The following RNF122 variants were observed in gnomAD, a reference collection of about 807,000 sequenced individuals.
RNF122 encodes the protein ring finger protein 122.
Under a neutral mutation model 24.2 loss-of-function variants are expected in RNF122, and 17 were observed. That is an observed-to-expected ratio of 0.70 (90% CI 0.48 to 1.06). RNF122 has a LOEUF of 1.06. RNF122 is among the 50% of genes least tolerant of loss of function. The pLI is 0.00. For missense variants in RNF122, 168 were observed against 198.1 expected (o/e 0.85, Z 0.91); for synonymous variants, 65 against 71.8 (o/e 0.91, Z 0.48).
chr8:33,549,381 A>T (rs774953144), intron 5 of RNF122, 29 bp downstream of exon 5: 13 of 1,582,236 alleles, frequency 8.2e-6, no homozygotes, highest in East Asian at 4.5e-5. Context: ...TTCTCCTTCG[A>T]CGGGCACCCT....
intron 1 of RNF122, among the ~76,000 whole-genome samples, chr8:33,559,542 T>G (rs548771077): frequency 6.6e-5 from 10 of 152,288 alleles, no homozygotes; most frequent in African/African-American, 2.2e-4. Context: ...GAAAATATGC[T>G]TTGTAAATTG....
chr8:33,556,179 C>CAAAAA (rs538829399), intron 2 of RNF122, among the ~76,000 whole-genome samples: 540 of 33,968 alleles, frequency 0.016, 45 homozygotes, highest in African/African-American at 0.053. Context: ...GACCCTGTCT[C>CAAAAA]AAAAAAAAAA....
intron 1 of RNF122, among the ~76,000 whole-genome samples, chr8:33,565,334 T>C (rs1351097280): frequency 6.6e-6 from 1 of 152,064 alleles, no homozygotes; most frequent in Non-Finnish European, 1.5e-5. Flanking sequence ...ACAAAGCCTC[T>C]TGACATAATT....
In RNF122 at chr8:33,548,882, G is replaced by A. The variant is rs1408369612; in HGVS notation, c.354-15C>T. On this transcript the variant is annotated splice_polypyrimidine_tract_variant and intron_variant, in intron 5 of 5. Coordinates refer to ENST00000256257, the MANE Select transcript of RNF122 (RefSeq NM_024787.3). The stretch of plus-strand genomic sequence containing the variant: ...TCACCAGACACCTGAGAACAAATGA[G>A]GAATGGTAATCTCTAACCAGACAGA... The A allele has an allele frequency of 2.6e-6, 4 of 1,568,290 alleles. No homozygotes were observed. The highest frequency in any genetic ancestry group is 3.5e-6 in the Non-Finnish European group (4 of 1,138,378).
chr8:33,554,140 C>T (rs985299145), intron 2 of RNF122, among the ~76,000 whole-genome samples: 1 of 152,168 alleles, frequency 6.6e-6, no homozygotes, highest in Non-Finnish European at 1.5e-5. Flanking sequence ...TTGACTGACA[C>T]TGGGTTCAGC....
chr8:33,564,886 A>C (rs901210680), intron 1 of RNF122, among the ~76,000 whole-genome samples: 4 of 152,032 alleles, frequency 2.6e-5, no homozygotes, highest in African/African-American at 9.7e-5. Context: ...AAAATAAAAA[A>C]TAAAAAATAA....
intron 3 of RNF122, 85 bp from the exon 4 acceptor site, chr8:33,551,170 C>G: frequency 6.6e-7 from 1 of 1,513,462 alleles, no homozygotes; most frequent in Non-Finnish European, 9.2e-7. Context: ...AAGGGAGTCC[C>G]CTGGACTGCC....
intron 1 of RNF122, among the ~76,000 whole-genome samples, chr8:33,565,234 C>T (rs993292302): frequency 2.0e-5 from 3 of 152,120 alleles, no homozygotes; most frequent in African/African-American, 7.2e-5. Flanking sequence ...CGGCTTGGTT[C>T]ATTTTCAGGA....
At chr8:33,551,413 G>C (rs746318764) in intron 2 of RNF122, 24 bp from the exon 3 acceptor site, 1 of 1,613,688 alleles carries the variant, frequency 6.2e-7, no homozygotes, top group Non-Finnish European at 8.5e-7. Context: ...AAAAAAATTA[G>C]AGAAAGCAGG....
chr8:33,559,547 A>G (rs1454076031), intron 1 of RNF122, among the ~76,000 whole-genome samples: 1 of 152,200 alleles, frequency 6.6e-6, no homozygotes, highest in Non-Finnish European at 1.5e-5. Context: ...TATGCTTTGT[A>G]AATTGCAAAG....
intron 5 of RNF122, 46 bp downstream of exon 5, chr8:33,549,364 T>C: frequency 1.4e-6 from 2 of 1,476,878 alleles, no homozygotes; most frequent in Non-Finnish European, 1.9e-6. Flanking sequence ...AGATGCTCCC[T>C]GATTATTTCT....
At chr8:33,560,331 G>A (rs978934284) in intron 1 of RNF122, among the ~76,000 whole-genome samples, 5 of 152,126 alleles carry the variant, frequency 3.3e-5, no homozygotes, top group African/African-American at 7.2e-5. Flanking sequence ...TACGTAACCA[G>A]GTTCTGAGCA....
At chr8:33,563,337 C>T (rs1810569610) in intron 1 of RNF122, among the ~76,000 whole-genome samples, 1 of 152,190 alleles carries the variant, frequency 6.6e-6, no homozygotes, top group Non-Finnish European at 1.5e-5. Flanking sequence ...CCAGAAACTG[C>T]CCTCCGCTAA....
At chr8:33,554,537 G>A (rs1810422024) in intron 2 of RNF122, among the ~76,000 whole-genome samples, 1 of 152,130 alleles carries the variant, frequency 6.6e-6, no homozygotes, top group Non-Finnish European at 1.5e-5. Flanking sequence ...GCTCAGAAAG[G>A]ATGAGATCAT....
chr8:33,555,333 G>A (rs1392975551), intron 2 of RNF122, among the ~76,000 whole-genome samples: 1 of 152,060 alleles, frequency 6.6e-6, no homozygotes, highest in African/African-American at 2.4e-5. Context: ...CTCCCAAGTA[G>A]CTGGGATTAC....
At chr8:33,561,912 T>C (rs1231081286) in intron 1 of RNF122, among the ~76,000 whole-genome samples, 1 of 151,968 alleles carries the variant, frequency 6.6e-6, no homozygotes, top group Admixed American at 6.6e-5. Flanking sequence ...TCCTAAAACA[T>C]TCACCCTGTC....
chr8:33,553,716 G>T (rs1055347435), intron 2 of RNF122, among the ~76,000 whole-genome samples: 7 of 152,206 alleles, frequency 4.6e-5, no homozygotes, highest in African/African-American at 1.7e-4. Flanking sequence ...CTGCTCCCTG[G>T]GTAATGGAAG....
chr8:33,551,089 A>C lies in RNF122; in HGVS notation c.229-4T>G, dbSNP rs761604131. 1.9e-6 allele frequency: 3 copies of C among 1,614,106 alleles called. No individual in the cohort carries two copies. In the South Asian group the frequency reaches 3.3e-5, roughly 18 times the overall value. ...TGGCATCACCTTTAAGCACCACCTG[A>C]AAAGAAAGAGGAGGCATGATGTCCA... On this transcript the variant is annotated splice_polypyrimidine_tract_variant and splice_region_variant and intron_variant, in intron 3 of 5. Transcript: ENST00000256257.
intron 1 of RNF122, among the ~76,000 whole-genome samples, chr8:33,562,172 A>G (rs539838536): frequency 1.2e-4 from 19 of 152,238 alleles, no homozygotes; most frequent in African/African-American, 4.1e-4. Flanking sequence ...ACTGTCTTAC[A>G]TCGTTCCTAG....
Sources: allele counts gnomAD v4.1 joint callset (sites outside exome capture counted in the v4.1 genomes callset), GRCh38; gene constraint gnomAD v4.1.1; transcripts MANE v1.5; gene names NCBI Gene and HGNC (gene_info 2026-07-23, HGNC 2026-07-21).